Variants in MRTFA observed in about 807,000 individuals in gnomAD.
MRTFA encodes myocardin-related transcription factor A.
In MRTFA, 20 loss-of-function variants were observed where a neutral mutation model predicts 83.5. The ratio of observed to expected loss-of-function variants is 0.24; its 90% confidence interval spans 0.17 to 0.35. MRTFA has a LOEUF of 0.35. MRTFA is among the 10% of genes least tolerant of loss of function. The pLI is 1.00. For missense variants in MRTFA, 1,200 were observed against 1,224.7 expected (o/e 0.98, Z 0.30); for synonymous variants, 659 against 541.2 (o/e 1.22, Z -3.02).
chr22:40,471,352 G>A (rs1460114116), intron 3 of MRTFA, among the ~76,000 whole-genome samples: 2 of 151,452 alleles, frequency 1.3e-5, no homozygotes, highest in African/African-American at 2.4e-5. Context: ...GCAGTGAGCC[G>A]AGATCATGCC....
At chr22:40,599,946 T>A (rs2056238602) in intron 1 of MRTFA, among the ~76,000 whole-genome samples, 3 of 124,278 alleles carry the variant, frequency 2.4e-5, no homozygotes, top group Admixed American at 8.6e-5. Context: ...AAAAATGGAA[T>A]GAAGAGGGGA....
intron 2 of MRTFA, among the ~76,000 whole-genome samples, chr22:40,557,839 T>A (rs1017663778): frequency 3.9e-5 from 6 of 152,118 alleles, no homozygotes; most frequent in African/African-American, 1.4e-4. Context: ...AGTGGCAAGT[T>A]CTCGGCTCAG....
At chr22:40,499,760 G>T (rs2054423859) in intron 3 of MRTFA, among the ~76,000 whole-genome samples, 1 of 152,008 alleles carries the variant, frequency 6.6e-6, no homozygotes, top group Non-Finnish European at 1.5e-5. Context: ...AAAAGAAAAT[G>T]TCTTCTCTGT....
chr22:40,577,482 C>T (rs1422561473), intron 2 of MRTFA, among the ~76,000 whole-genome samples: 4 of 152,084 alleles, frequency 2.6e-5, no homozygotes, highest in African/African-American at 9.7e-5. Context: ...TCACTTCAAA[C>T]ATGGCATGTT....
chr22:40,599,859 A>G (rs2058612424), intron 1 of MRTFA, among the ~76,000 whole-genome samples: 1 of 151,390 alleles, frequency 6.6e-6, no homozygotes, highest in South Asian at 2.1e-4. Flanking sequence ...TGATTACACC[A>G]CTGCACTCCA....
intron 3 of MRTFA, among the ~76,000 whole-genome samples, chr22:40,502,022 G>A (rs2054490899): frequency 7.1e-6 from 1 of 140,866 alleles, no homozygotes; most frequent in Admixed American, 6.7e-5. Flanking sequence ...CAGCTGGCCA[G>A]GCGGGGGGCT....
intron 3 of MRTFA, among the ~76,000 whole-genome samples, chr22:40,550,982 G>C (rs1308736127): frequency 6.6e-6 from 1 of 151,392 alleles, no homozygotes; most frequent in Non-Finnish European, 1.5e-5. Context: ...CTCCCTAGTA[G>C]CTGGGATTAC....
chr22:40,504,758 G>T (rs2054553759), intron 3 of MRTFA, among the ~76,000 whole-genome samples: 1 of 152,188 alleles, frequency 6.6e-6, no homozygotes, highest in Non-Finnish European at 1.5e-5. Flanking sequence ...CAAAGGCCAT[G>T]CCACTCTTTT....
intron 3 of MRTFA, among the ~76,000 whole-genome samples, chr22:40,513,043 GA>G (rs2054693840): frequency 6.6e-6 from 1 of 152,118 alleles, no homozygotes; most frequent in South Asian, 2.1e-4. Flanking sequence ...TAGAAGAAAG[GA>G]AAGTTTTACA....
At chr22:40,432,895 A>C (rs73167036) in intron 5 of MRTFA, among the ~76,000 whole-genome samples, 33 of 152,324 alleles carry the variant, frequency 2.2e-4, no homozygotes, top group Admixed American at 3.9e-4. Context: ...GCAAGTCTTC[A>C]CAGATGACAG....
intron 2 of MRTFA, among the ~76,000 whole-genome samples, chr22:40,554,949 G>A (rs1218215767): frequency 6.6e-6 from 1 of 152,222 alleles, no homozygotes; most frequent in Non-Finnish European, 1.5e-5. Context: ...GGAGCTTTAA[G>A]ATTTAATGAC....
chr22:40,572,392 G>A (rs556313675), intron 2 of MRTFA, among the ~76,000 whole-genome samples: 2 of 152,124 alleles, frequency 1.3e-5, no homozygotes, highest in African/African-American at 2.4e-5. Context: ...TGAGAATCAA[G>A]AGAGCTCAGG....
chr22:40,506,822 A>AG (rs2054588076), intron 3 of MRTFA, among the ~76,000 whole-genome samples: 1 of 152,252 alleles, frequency 6.6e-6, no homozygotes, highest in Non-Finnish European at 1.5e-5. Flanking sequence ...TAATACTATT[A>AG]GCAAACAGCT....
chr22:40,587,694 C>T (rs991292689), intron 2 of MRTFA: 4 of 331,574 alleles, frequency 1.2e-5, no homozygotes, highest in African/African-American at 8.9e-5. Context: ...TTGGTTGGTG[C>T]AAACATGTGG....
Position 40,419,823 on chromosome 22 carries a change from G to T in MRTFA, c.1354-439C>A, listed in dbSNP as rs370291466. On this transcript the variant is annotated intron_variant, in intron 11 of 14. Coordinates refer to ENST00000355630, the MANE Select transcript of MRTFA (RefSeq NM_020831.6). ...TCTTCTGATGGGGCAGAGAAAACACGCAAGGCACTGGGCATGACCCACTCC... is the reference window on the plus strand; with the variant it reads ...TCTTCTGATGGGGCAGAGAAAACACTCAAGGCACTGGGCATGACCCACTCC... 2.6e-5 allele frequency among the ~76,000 whole-genome samples: 4 copies of T among 152,234 alleles called. No homozygotes were observed. In the East Asian group the frequency reaches 5.8e-4, roughly 22 times the overall value.
chr22:40,474,862 G>A (rs2053966586), intron 3 of MRTFA, among the ~76,000 whole-genome samples: 1 of 151,908 alleles, frequency 6.6e-6, no homozygotes, highest in South Asian at 2.1e-4. Context: ...TTCCTGAGAT[G>A]GAATCTTGCT....
intron 4 of MRTFA, among the ~76,000 whole-genome samples, chr22:40,446,479 A>G (rs1014225870): frequency 2.0e-5 from 3 of 152,160 alleles, no homozygotes; most frequent in African/African-American, 7.2e-5. Context: ...CACAGAACTC[A>G]AGGACAGGCA....
intron 3 of MRTFA, among the ~76,000 whole-genome samples, chr22:40,550,920 C>T (rs1256349793): frequency 6.7e-6 from 1 of 148,720 alleles, no homozygotes; most frequent in Non-Finnish European, 1.5e-5. Context: ...GGCGCGATCT[C>T]GGCTCACCGC....
intron 3 of MRTFA, among the ~76,000 whole-genome samples, chr22:40,527,813 C>G (rs1048563170): frequency 7.0e-6 from 1 of 142,402 alleles, no homozygotes; most frequent in African/African-American, 2.6e-5. Context: ...TCCAAAAAAA[C>G]AAGACTTTAT....
Sources: gnomAD v4.1 joint callset for allele counts (sites outside exome capture counted in the v4.1 genomes callset) on GRCh38, gnomAD v4.1.1 for gene constraint, MANE v1.5 for transcripts, NCBI Gene and HGNC (gene_info 2026-07-23, HGNC 2026-07-21) for gene names.